Variants in RALGPS2 observed in about 807,000 individuals in gnomAD.
RALGPS2 encodes Ral GEF with PH domain and SH3 binding motif 2.
In RALGPS2, 43 loss-of-function variants were observed where a neutral mutation model predicts 86.8. The ratio of observed to expected loss-of-function variants is 0.50; its 90% confidence interval spans 0.39 to 0.64. The LOEUF (loss-of-function observed/expected upper bound fraction) is 0.64. Among genes scored for constraint, RALGPS2 ranks in the 30% least tolerant of loss-of-function variants. RALGPS2 has a pLI of 0.00. For missense variants in RALGPS2, 536 were observed against 694.6 expected, an observed-to-expected ratio of 0.77 and a Z score of 2.57; for synonymous variants, 243 against 231.3, an observed-to-expected ratio of 1.05 and a Z score of -0.46.
At position 178,920,814 on chromosome 1, in the gene RALGPS2, A is replaced by G. The variant is rs1004609439; in HGVS notation, c.*4455A>G. On this transcript the variant is annotated 3_prime_UTR_variant, in exon 20 of 20. Transcript: ENST00000367635. ...TTGTTAAATGTACTGAAATCTTGTA[A>G]TGAAAATCCCTTTGGCCAGAAATGA... 2 of 152,066 alleles carry G rather than the reference A, an allele frequency of 1.3e-5. No individual in the cohort carries two copies. Among genetic ancestry groups the G allele is most frequent in the African/African-American group, 2.4e-5 (1 of 41,444 alleles). 9.4% of individuals were successfully genotyped at this position (152,066 alleles called of 1,614,324 possible).
intron 1 of RALGPS2, among the ~76,000 whole-genome samples, chr1:178,767,372 T>TTTTTTTTTTG (rs1652557548): frequency 6.7e-6 from 1 of 150,048 alleles, no homozygotes; most frequent in African/African-American, 2.5e-5. Flanking sequence ...TTTTTTTTTT[T>TTTTTTTTTTG]TTTTTTTTTG....
At chr1:178,778,725 T>A (rs1653226896) in intron 2 of RALGPS2, among the ~76,000 whole-genome samples, 1 of 144,566 alleles carries the variant, frequency 6.9e-6, no homozygotes, top group Non-Finnish European at 1.5e-5. Context: ...TAAAAAATGA[T>A]GAGTTCATGT....
intron 4 of RALGPS2, among the ~76,000 whole-genome samples, chr1:178,804,422 C>T (rs192525954): frequency 0.022 from 2,322 of 104,246 alleles, 92 homozygotes; most frequent in African/African-American, 0.08. Context: ...TGCTATCCCT[C>T]CCCCCTCCCC....
At chr1:178,906,223 A>G (rs1323092636) in intron 18 of RALGPS2, among the ~76,000 whole-genome samples, 1 of 152,048 alleles carries the variant, frequency 6.6e-6, no homozygotes, top group Non-Finnish European at 1.5e-5. Context: ...AAATACAAAA[A>G]ACTTAGCTGG....
rs923386475 is a variant in RALGPS2 at position 178,919,395 on chromosome 1, T to C, written c.*3036T>C. On this transcript the variant is annotated 3_prime_UTR_variant, in exon 20 of 20. Coordinates refer to ENST00000367635, the MANE Select transcript of RALGPS2 (RefSeq NM_152663.5). Reference sequence around the variant, plus strand: ...ACTGTGTTGGTATTGGTTCTTTCTGTATATCAAAAGTCAGGGTGTTTATAA... The same window carrying C: ...ACTGTGTTGGTATTGGTTCTTTCTGCATATCAAAAGTCAGGGTGTTTATAA... The C allele has an allele frequency of 3.9e-5, 6 of 152,160 alleles. No individual in the cohort carries two copies. Among genetic ancestry groups the C allele is most frequent in the African/African-American group, 1.2e-4 (5 of 41,550 alleles). The allele number at this position is 152,160 out of a possible 1,614,324, so 9.4% of individuals were successfully genotyped here.
In RALGPS2 at chr1:178,747,507, G is replaced by A. The variant is rs12084080; in HGVS notation, c.-84+22088G>A. The stretch of plus-strand genomic sequence containing the variant: ...TTAACCAATTCTTTCTCCATAATGC[G>A]GTTCAGCATGACAACTGCTTTGGTC... On this transcript the variant is annotated intron_variant, in intron 1 of 19. Coordinates refer to ENST00000367635, the MANE Select transcript of RALGPS2 (RefSeq NM_152663.5). The A allele has an allele frequency of 3.1e-4, 505 of 1,610,154 alleles. 6 individuals carry two copies. In the African/African-American group the frequency reaches 4.2e-3, roughly 13 times the overall value.
At chr1:178,754,033 A>G (rs1651823866) in intron 1 of RALGPS2, among the ~76,000 whole-genome samples, 1 of 151,944 alleles carries the variant, frequency 6.6e-6, no homozygotes, top group African/African-American at 2.4e-5. Flanking sequence ...TGTGTTAGCC[A>G]GTATGGTCTT....
At chr1:178,884,474 T>TCAA (rs36084945) in intron 11 of RALGPS2, among the ~76,000 whole-genome samples, 1 of 151,848 alleles carries the variant, frequency 6.6e-6, no homozygotes, top group Admixed American at 6.6e-5. Context: ...TGATAAGATG[T>TCAA]GAAGTGGAGA....
At chr1:178,866,346 C>A (rs550997252) in intron 8 of RALGPS2, among the ~76,000 whole-genome samples, 3 of 152,172 alleles carry the variant, frequency 2.0e-5, no homozygotes, top group South Asian at 4.1e-4. Context: ...TTAAAATGTT[C>A]AATAAAGTTA....
chr1:178,837,748 T>C (rs1489466951), intron 8 of RALGPS2, among the ~76,000 whole-genome samples: 2 of 151,946 alleles, frequency 1.3e-5, no homozygotes, highest in Non-Finnish European at 2.9e-5. Flanking sequence ...ACCCGGGAAG[T>C]GCAAGGGGTC....
chr1:178,869,723 T>C lies in RALGPS2; in HGVS notation c.608-7775T>C, dbSNP rs565540156. Among the ~76,000 whole-genome samples the C allele has an allele frequency of 2.4e-4, 37 of 152,268 alleles. No individual in the cohort carries two copies. The South Asian group carries it at 4.8e-3, about 20-fold the overall frequency. The stretch of plus-strand genomic sequence containing the variant: ...GGAAAAAATTTTAGCTTTACCATTA[T>C]TTGCTTGTTCAAGATTCTTAACCAT... On this transcript the variant is annotated intron_variant, in intron 8 of 19. Coordinates refer to ENST00000367635, the MANE Select transcript of RALGPS2 (RefSeq NM_152663.5).
intron 4 of RALGPS2, among the ~76,000 whole-genome samples, chr1:178,806,544 T>C (rs1654756634): frequency 6.6e-6 from 1 of 152,168 alleles, no homozygotes; most frequent in Admixed American, 6.5e-5. Context: ...ACTTTTTGTT[T>C]AAAAGATTTA....
chr1:178,915,766 C>T (rs993649854), intron 19 of RALGPS2, among the ~76,000 whole-genome samples: 13 of 152,164 alleles, frequency 8.5e-5, no homozygotes, highest in Admixed American at 6.5e-4. Flanking sequence ...CATATGAATA[C>T]CTCTCCCAGT....
chr1:178,772,082 G>C (rs914021988), intron 1 of RALGPS2, among the ~76,000 whole-genome samples: 8 of 152,134 alleles, frequency 5.3e-5, no homozygotes, highest in Admixed American at 3.3e-4. Flanking sequence ...TTGTTTTTCT[G>C]TTCTGCTGTT....
At chr1:178,794,772 C>T (rs890985214) in intron 4 of RALGPS2, among the ~76,000 whole-genome samples, 11 of 152,162 alleles carry the variant, frequency 7.2e-5, no homozygotes, top group African/African-American at 2.7e-4. Flanking sequence ...ATCAACTGTG[C>T]TTGAAATTTG....
At chr1:178,790,009 C>T (rs773478869) in intron 4 of RALGPS2, among the ~76,000 whole-genome samples, 19 of 151,942 alleles carry the variant, frequency 1.3e-4, no homozygotes, top group Non-Finnish European at 2.2e-4. Context: ...AGTGCAGCGG[C>T]GCAATGACGG....
intron 4 of RALGPS2, among the ~76,000 whole-genome samples, chr1:178,806,590 A>T (rs1290363634): frequency 6.6e-6 from 1 of 151,998 alleles, no homozygotes; most frequent in African/African-American, 2.4e-5. Flanking sequence ...ACTGACTTTC[A>T]AATTTCTCTT....
chr1:178,909,734 C>T (rs1036748605), intron 19 of RALGPS2, among the ~76,000 whole-genome samples: 1 of 148,216 alleles, frequency 6.7e-6, no homozygotes, highest in African/African-American at 2.5e-5. Flanking sequence ...ATTGCAACCT[C>T]CACCTCCCGG....
rs958570178 is a variant in RALGPS2 at position 178,747,681 on chromosome 1, A to G, written c.-84+22262A>G. On this transcript the variant is annotated intron_variant, in intron 1 of 19. Coordinates refer to ENST00000367635, the MANE Select transcript of RALGPS2 (RefSeq NM_152663.5). ...CATTTTGCAGTTTAACACAACTGTG[A>G]TCATCAAGTACAGCAGCTGCCAGCG... 6 of 1,493,132 alleles carry G rather than the reference A, an allele frequency of 4.0e-6. No individual in the cohort carries two copies. In the African/African-American group the frequency reaches 8.3e-5, roughly 21 times the overall value. 92.5% of individuals were successfully genotyped at this position (1,493,132 alleles called of 1,614,324 possible). A position where few individuals can be genotyped will look rare whatever the true frequency, so the allele number is the denominator to read the frequency against.
Sources: gnomAD v4.1 joint callset for allele counts (sites outside exome capture counted in the v4.1 genomes callset) on GRCh38, gnomAD v4.1.1 for gene constraint, MANE v1.5 for transcripts, NCBI Gene and HGNC (gene_info 2026-07-23, HGNC 2026-07-21) for gene names.